AKAP19: variants seen among roughly 807,000 people sequenced by gnomAD.
The protein encoded by AKAP19 is A-kinase anchoring protein 19, also known as small A-kinase anchoring protein.
chr2:190,111,608 A>T, the AKAP19 span, among the ~76,000 whole-genome samples: 1 of 152,134 alleles, frequency 6.6e-6, no homozygotes, highest in East Asian at 1.9e-4. Context: ...TTACCATTTA[A>T]GGCACTTATG....
the AKAP19 span, among the ~76,000 whole-genome samples, chr2:190,158,191 G>T: frequency 2.6e-5 from 4 of 152,298 alleles, no homozygotes; most frequent in East Asian, 7.7e-4. Flanking sequence ...AGCCCTTAAA[G>T]GGGACAGAAA....
At chr2:189,930,371 A>G in the AKAP19 span, 2 of 428,312 alleles carry the variant, frequency 4.7e-6, no homozygotes, top group Non-Finnish European at 8.4e-6. Context: ...TGGTAGATGT[A>G]CATGCACGGT....
chr2:190,070,484 T>C, the AKAP19 span, among the ~76,000 whole-genome samples: 1 of 151,906 alleles, frequency 6.6e-6, no homozygotes, highest in African/African-American at 2.4e-5. Context: ...AGATTTAGCA[T>C]GAACATTCTG....
At chr2:189,960,937 C>T in the AKAP19 span, among the ~76,000 whole-genome samples, 13 of 152,186 alleles carry the variant, frequency 8.5e-5, no homozygotes, top group Admixed American at 6.5e-5. Context: ...AATGTATGCC[C>T]ATTCTACTTT....
At chr2:190,131,037 C>T in the AKAP19 span, among the ~76,000 whole-genome samples, 890 of 152,236 alleles carry the variant, frequency 5.8e-3, 5 homozygotes, top group African/African-American at 0.02. Flanking sequence ...TTGGTCTCTG[C>T]CCCCATTCCT....
At chr2:189,882,162 C>A in the AKAP19 span, among the ~76,000 whole-genome samples, 1 of 152,146 alleles carries the variant, frequency 6.6e-6, no homozygotes, top group African/African-American at 2.4e-5. Flanking sequence ...TCTAAATTAA[C>A]TGAGACCTGT....
the AKAP19 span, among the ~76,000 whole-genome samples, chr2:190,159,669 G>T: frequency 6.6e-6 from 1 of 152,124 alleles, no homozygotes; most frequent in Non-Finnish European, 1.5e-5. Context: ...CCAACATGAT[G>T]TAAACTAACA....
chr2:190,189,346 C>T, the AKAP19 span, among the ~76,000 whole-genome samples: 3 of 152,102 alleles, frequency 2.0e-5, no homozygotes, highest in Non-Finnish European at 2.9e-5. Flanking sequence ...AGCTGGAATT[C>T]GGAGTGACAG....
At chr2:190,027,884 G>A in the AKAP19 span, among the ~76,000 whole-genome samples, 1 of 151,950 alleles carries the variant, frequency 6.6e-6, no homozygotes, top group Non-Finnish European at 1.5e-5. Flanking sequence ...ATATTTGTTT[G>A]GCATCTATGA....
chr2:190,163,650 T>C, the AKAP19 span, among the ~76,000 whole-genome samples: 1 of 152,182 alleles, frequency 6.6e-6, no homozygotes, highest in Non-Finnish European at 1.5e-5. Context: ...TTCTGCCATT[T>C]GAGTGAGGAT....
At chr2:190,072,837 A>G in the AKAP19 span, among the ~76,000 whole-genome samples, 1 of 152,204 alleles carries the variant, frequency 6.6e-6, no homozygotes, top group Non-Finnish European at 1.5e-5. Context: ...AACTTATAGG[A>G]AACAACTGCT....
chr2:190,125,105 C>T, the AKAP19 span, among the ~76,000 whole-genome samples: 3 of 151,986 alleles, frequency 2.0e-5, no homozygotes, highest in African/African-American at 4.8e-5. Context: ...TTACAATTAA[C>T]GTCTTTTTTT....
At chr2:189,914,177 C>T in the AKAP19 span, among the ~76,000 whole-genome samples, 5 of 152,034 alleles carry the variant, frequency 3.3e-5, no homozygotes, top group Non-Finnish European at 5.9e-5. Flanking sequence ...GCAGCTGTTA[C>T]GTACAATTAT....
the AKAP19 span, among the ~76,000 whole-genome samples, chr2:190,069,175 T>TGTGAGAGAGA: frequency 1.0e-3 from 126 of 123,532 alleles, no homozygotes; most frequent in African/African-American, 3.7e-3. Flanking sequence ...TGTGTGTGTG[T>TGTGAGAGAGA]GAGAGAGAGA....
At chr2:190,137,436 C>G in the AKAP19 span, among the ~76,000 whole-genome samples, 1 of 152,006 alleles carries the variant, frequency 6.6e-6, no homozygotes, top group Non-Finnish European at 1.5e-5. Context: ...TTATCCTGGT[C>G]CCTGGATAAC....
At chr2:190,013,623 C>G in the AKAP19 span, among the ~76,000 whole-genome samples, 1 of 152,118 alleles carries the variant, frequency 6.6e-6, no homozygotes, top group Non-Finnish European at 1.5e-5. Flanking sequence ...TCACGCCATT[C>G]TCCTGCCTCA....
the AKAP19 span, among the ~76,000 whole-genome samples, chr2:190,029,198 A>T: frequency 1.6e-4 from 24 of 152,006 alleles, no homozygotes; most frequent in Non-Finnish European, 3.4e-4. Context: ...GATTACAGGC[A>T]TGCACCACCT....
chr2:190,015,400 C>A, the AKAP19 span, among the ~76,000 whole-genome samples: 2 of 152,172 alleles, frequency 1.3e-5, no homozygotes, highest in African/African-American at 4.8e-5. Context: ...GTACATTGGC[C>A]CCTTTTAGCC....
the AKAP19 span, among the ~76,000 whole-genome samples, chr2:189,925,658 C>T: frequency 6.6e-6 from 1 of 152,160 alleles, no homozygotes; most frequent in East Asian, 1.9e-4. Context: ...ATGTGCAATA[C>T]ATGTTTTCCG....
Sources: allele counts gnomAD v4.1 joint callset (sites outside exome capture counted in the v4.1 genomes callset), GRCh38; gene constraint gnomAD v4.1.1; transcripts MANE v1.5; gene names NCBI Gene and HGNC (gene_info 2026-07-23, HGNC 2026-07-21).